PTPRK: variants seen among roughly 807,000 people sequenced by gnomAD.
PTPRK encodes the protein protein tyrosine phosphatase receptor type K.
In PTPRK, 75 loss-of-function variants were observed where a neutral mutation model predicts 178.0. That is an observed-to-expected ratio of 0.42 (90% CI 0.35 to 0.51). PTPRK has a LOEUF of 0.51. Ranked by LOEUF, PTPRK falls within the 20% of genes least tolerant of loss-of-function variation. PTPRK has a pLI of 0.02. For missense variants in PTPRK, 1,441 were observed against 1,797.8 expected, an observed-to-expected ratio of 0.80 and a Z score of 3.59; for synonymous variants, 637 against 620.6, an observed-to-expected ratio of 1.03 and a Z score of -0.39.
chr6:128,112,838 G>C (rs1310165556), intron 7 of PTPRK, among the ~76,000 whole-genome samples: 2 of 152,064 alleles, frequency 1.3e-5, no homozygotes, highest in African/African-American at 4.8e-5. Flanking sequence ...AGAATAGCCT[G>C]GTTAACTGGG....
At chr6:128,486,306 C>T (rs1852869518) in intron 1 of PTPRK, among the ~76,000 whole-genome samples, 1 of 151,958 alleles carries the variant, frequency 6.6e-6, no homozygotes, top group African/African-American at 2.4e-5. Flanking sequence ...ATTCTTGGAC[C>T]TTGTCAACAT....
chr6:128,295,625 G>A (rs1024524777), intron 3 of PTPRK, among the ~76,000 whole-genome samples: 1 of 151,906 alleles, frequency 6.6e-6, no homozygotes, highest in Admixed American at 6.6e-5. Context: ...ATACTTTTTG[G>A]TTCTTGCTTC....
chr6:128,145,796 G>A (rs945663468), intron 7 of PTPRK, among the ~76,000 whole-genome samples: 2 of 152,128 alleles, frequency 1.3e-5, no homozygotes, highest in African/African-American at 2.4e-5. Context: ...GTATCTTACA[G>A]TTAGCATATT....
intron 11 of PTPRK, among the ~76,000 whole-genome samples, chr6:128,069,095 T>C (rs1281425065): frequency 1.3e-5 from 2 of 152,154 alleles, no homozygotes; most frequent in African/African-American, 2.4e-5. Context: ...AAGATCTTCA[T>C]AGATTAAACA....
chr6:128,375,212 T>C (rs1449349306), intron 2 of PTPRK, among the ~76,000 whole-genome samples: 1 of 151,694 alleles, frequency 6.6e-6, no homozygotes, highest in Non-Finnish European at 1.5e-5. Flanking sequence ...ACAAACTGTA[T>C]AAGTTTGTTT....
intron 1 of PTPRK, 57 bp downstream of exon 1, chr6:128,520,202 A>G: frequency 6.9e-7 from 1 of 1,448,048 alleles, no homozygotes; most frequent in Non-Finnish European, 9.4e-7. Context: ...GACCTGGCTC[A>G]CCCCTCGTGA....
chr6:127,978,382 G>A (rs1562371726), intron 25 of PTPRK, among the ~76,000 whole-genome samples: 1 of 152,136 alleles, frequency 6.6e-6, no homozygotes, highest in Non-Finnish European at 1.5e-5. Flanking sequence ...ACATCTGGTG[G>A]TTTTATAAGG....
In PTPRK at chr6:127,979,169, G is replaced by C. The variant is rs1443564549; in HGVS notation, c.3711+1947C>G. ...GCATACACCTTAGTTCTAGCTACTT[G>C]GTAGGCTGAGGTGGGAGGACCACTT... On this transcript the variant is annotated intron_variant, in intron 25 of 29. Coordinates refer to ENST00000368226, the MANE Select transcript of PTPRK (RefSeq NM_002844.4). 2.0e-5 allele frequency among the ~76,000 whole-genome samples: 3 copies of C among 152,296 alleles called. No homozygotes were observed. The South Asian group carries it at 6.2e-4, about 32-fold the overall frequency.
At chr6:128,367,170 T>C (rs1835623902) in intron 2 of PTPRK, among the ~76,000 whole-genome samples, 1 of 152,156 alleles carries the variant, frequency 6.6e-6, no homozygotes, top group African/African-American at 2.4e-5. Context: ...TGGTATATGG[T>C]AGGCCCTTAA....
At chr6:128,082,369 T>C (rs1359704305) in intron 10 of PTPRK, 68 bp downstream of exon 10, 1 of 1,404,366 alleles carries the variant, frequency 7.1e-7, no homozygotes, top group African/African-American at 1.4e-5. Context: ...TATATGTGAT[T>C]CTCCAGGATG....
intron 6 of PTPRK, among the ~76,000 whole-genome samples, chr6:128,205,278 G>T (rs1806720486): frequency 6.6e-6 from 1 of 152,140 alleles, no homozygotes; most frequent in Non-Finnish European, 1.5e-5. Context: ...GTATGCGGGG[G>T]AGGGAGAGCA....
chr6:128,300,264 A>T (rs1302480377), intron 3 of PTPRK, among the ~76,000 whole-genome samples: 1 of 151,872 alleles, frequency 6.6e-6, no homozygotes, highest in Non-Finnish European at 1.5e-5. Flanking sequence ...ACACTTTTAC[A>T]CTCTTGGTGG....
intron 3 of PTPRK, among the ~76,000 whole-genome samples, chr6:128,299,531 T>C (rs982448767): frequency 2.0e-5 from 3 of 150,500 alleles, no homozygotes; most frequent in Non-Finnish European, 4.5e-5. Flanking sequence ...GAGATATAGA[T>C]CAATGGAACA....
chr6:128,217,762 A>G (rs1431995874), intron 6 of PTPRK, among the ~76,000 whole-genome samples: 2 of 152,028 alleles, frequency 1.3e-5, no homozygotes, highest in Non-Finnish European at 2.9e-5. Flanking sequence ...CCATACCCCT[A>G]CTTGGGCAAC....
At chr6:128,081,661 T>G (rs900457495) in intron 10 of PTPRK, among the ~76,000 whole-genome samples, 2 of 151,994 alleles carry the variant, frequency 1.3e-5, no homozygotes, top group African/African-American at 4.8e-5. Flanking sequence ...CTTTAAATAA[T>G]TTATTTTTCA....
intron 13 of PTPRK, among the ~76,000 whole-genome samples, chr6:128,050,841 G>A (rs1211259459): frequency 1.3e-5 from 2 of 152,098 alleles, no homozygotes; most frequent in African/African-American, 2.4e-5. Flanking sequence ...GCATACAGCC[G>A]ATACTAGGAA....
rs1229458541 is a variant in PTPRK at position 128,249,317 on chromosome 6, T to G, written c.496-6715A>C. On this transcript the variant is annotated intron_variant, in intron 3 of 29. Coordinates refer to ENST00000368226, the MANE Select transcript of PTPRK (RefSeq NM_002844.4). Reference sequence around the variant, plus strand: ...GTGATTTAAAAAAAAAAAAAAACAGTATTTTTTTTTTAATTTAAGCCCAGA... The same window carrying G: ...GTGATTTAAAAAAAAAAAAAAACAGGATTTTTTTTTTAATTTAAGCCCAGA... Among the ~76,000 whole-genome samples the G allele has an allele frequency of 2.1e-5, 3 of 143,560 alleles. No homozygotes were observed. In the South Asian group the frequency reaches 6.4e-4, roughly 31 times the overall value. The allele number at this position is 143,560 out of a possible 152,430, so 94.2% of individuals were successfully genotyped here.
intron 1 of PTPRK, among the ~76,000 whole-genome samples, chr6:128,506,847 T>A (rs1448158432): frequency 6.6e-6 from 1 of 152,080 alleles, no homozygotes; most frequent in Non-Finnish European, 1.5e-5. Context: ...CTGGTGGTTT[T>A]ATTTTAAAGT....
chr6:128,112,017 C>T (rs1023539401), intron 7 of PTPRK, among the ~76,000 whole-genome samples: 22 of 151,972 alleles, frequency 1.4e-4, no homozygotes, highest in African/African-American at 5.3e-4. Flanking sequence ...TTACAGCTTT[C>T]ATGAATTTAT....
Sources: gnomAD v4.1 joint callset for allele counts (sites outside exome capture counted in the v4.1 genomes callset) on GRCh38, gnomAD v4.1.1 for gene constraint, MANE v1.5 for transcripts, NCBI Gene and HGNC (gene_info 2026-07-23, HGNC 2026-07-21) for gene names.